Variants in RBFOX1 observed in about 807,000 individuals in gnomAD.
The protein encoded by RBFOX1 is RNA binding fox-1 homolog 1.
RBFOX1 carries 8 observed loss-of-function variants against 57.7 expected under a neutral mutation model. That is an observed-to-expected ratio of 0.14 (90% CI 0.08 to 0.25). RBFOX1 has a LOEUF of 0.25. RBFOX1 is among the 10% of genes least tolerant of loss of function. The pLI, the probability that RBFOX1 is intolerant of heterozygous loss-of-function variation, is 1.00. For synonymous variants in RBFOX1, 326 were observed against 222.4 expected, an observed-to-expected ratio of 1.47 and a Z score of -4.15; for missense variants, 611 against 548.5, an observed-to-expected ratio of 1.11 and a Z score of -1.14.
chr16:6,793,028 G>GAA lies in RBFOX1; in HGVS notation c.-16+138392_-16+138393dup, dbSNP rs71145295. Among the ~76,000 whole-genome samples, 674 of 136,414 alleles carry GAA rather than the reference G, an allele frequency of 4.9e-3. 2 individuals are homozygous for GAA. Among genetic ancestry groups the GAA allele is most frequent in the African/African-American group, 6.9e-3 (256 of 37,024 alleles). The allele number at this position is 136,414 out of a possible 152,430, so 89.5% of individuals were successfully genotyped here. A position where few individuals can be genotyped will look rare whatever the true frequency, so the allele number is the denominator to read the frequency against. The stretch of plus-strand genomic sequence containing the variant: ...TGGGCGACAGAGTGAGACTCCATCT[G>GAA]AAAAAAAAAAAAAAATAGAAGCGAT... On this transcript the variant is annotated intron_variant, in intron 3 of 15. Transcript: ENST00000550418.
chr16:7,661,341 C>T (rs558070474), intron 12 of RBFOX1, among the ~76,000 whole-genome samples: 2 of 152,248 alleles, frequency 1.3e-5, no homozygotes, highest in South Asian at 2.1e-4. Flanking sequence ...CATATTTAGA[C>T]CCTAATGCTT....
chr16:7,513,131 C>T (rs978832769), intron 4 of RBFOX1, among the ~76,000 whole-genome samples: 12 of 152,142 alleles, frequency 7.9e-5, no homozygotes, highest in African/African-American at 2.4e-4. Flanking sequence ...GTCATCATGG[C>T]GGGTGCCTGT....
intron 1 of RBFOX1, chr16:5,270,844 A>G (rs1243520489): frequency 1.7e-5 from 7 of 421,282 alleles, no homozygotes; most frequent in Non-Finnish European, 3.1e-5. Flanking sequence ...TTTGAAAGGC[A>G]TGGAGCTTCA....
chr16:7,407,375 T>G (rs375449851), intron 4 of RBFOX1, among the ~76,000 whole-genome samples: 813 of 15,866 alleles, frequency 0.051, 6 homozygotes, highest in African/African-American at 0.071. Flanking sequence ...TTTGTATGGG[T>G]GTGTGTGTGT....
intron 3 of RBFOX1, among the ~76,000 whole-genome samples, chr16:6,965,844 C>T (rs928180418): frequency 6.6e-6 from 1 of 151,768 alleles, no homozygotes; most frequent in Non-Finnish European, 1.5e-5. Context: ...CTGTCGCATC[C>T]ATGGGGATAA....
chr16:6,025,856 C>G (rs1018504883), intron 1 of RBFOX1, among the ~76,000 whole-genome samples: 3 of 152,172 alleles, frequency 2.0e-5, no homozygotes, highest in African/African-American at 7.2e-5. Flanking sequence ...TTGACTGTCT[C>G]TTTATCCACA....
At chr16:6,864,234 C>G (rs552664860) in intron 3 of RBFOX1, among the ~76,000 whole-genome samples, 15 of 152,184 alleles carry the variant, frequency 9.9e-5, no homozygotes, top group African/African-American at 3.4e-4. Flanking sequence ...TCCTAGGGTT[C>G]TTCTCAAAGC....
intron 4 of RBFOX1, among the ~76,000 whole-genome samples, chr16:7,153,194 A>T (rs1390398597): frequency 1.3e-5 from 2 of 150,918 alleles, no homozygotes; most frequent in African/African-American, 2.4e-5. Context: ...GGACATAATC[A>T]TTTTTTTTTT....
chr16:6,507,917 C>T (rs533903051), intron 2 of RBFOX1, among the ~76,000 whole-genome samples: 3 of 151,998 alleles, frequency 2.0e-5, no homozygotes, highest in South Asian at 2.1e-4. Flanking sequence ...AATACACTTA[C>T]GTTCATTGCA....
chr16:7,061,081 T>G (rs2054116865), intron 4 of RBFOX1, among the ~76,000 whole-genome samples: 1 of 151,910 alleles, frequency 6.6e-6, no homozygotes, highest in South Asian at 2.1e-4. Flanking sequence ...TGGCAGAAGT[T>G]TGCTTGCTTT....
intron 2 of RBFOX1, among the ~76,000 whole-genome samples, chr16:6,546,170 C>T (rs1057093109): frequency 6.6e-6 from 1 of 152,158 alleles, no homozygotes; most frequent in African/African-American, 2.4e-5. Flanking sequence ...ATGGGTTGGA[C>T]AAGCTTGGCC....
At chr16:5,876,989 C>A (rs556202527) in intron 4 of RBFOX1, among the ~76,000 whole-genome samples, 1 of 152,074 alleles carries the variant, frequency 6.6e-6, no homozygotes, top group Admixed American at 6.6e-5. Flanking sequence ...CAGTCTAGAA[C>A]GTGGTGAGTT....
intron 3 of RBFOX1, among the ~76,000 whole-genome samples, chr16:6,984,231 G>A (rs996324467): frequency 6.6e-6 from 1 of 152,114 alleles, no homozygotes; most frequent in African/African-American, 2.4e-5. Context: ...TACGCAACAA[G>A]AGTAAAACTC....
chr16:7,496,411 G>A (rs1324527138), intron 4 of RBFOX1, among the ~76,000 whole-genome samples: 4 of 152,152 alleles, frequency 2.6e-5, no homozygotes, highest in African/African-American at 9.7e-5. Flanking sequence ...CCAAAGTGTT[G>A]GGATTAGAGG....
intron 3 of RBFOX1, among the ~76,000 whole-genome samples, chr16:7,040,196 T>G (rs2045728326): frequency 6.6e-6 from 1 of 151,798 alleles, no homozygotes; most frequent in Admixed American, 6.6e-5. Flanking sequence ...GTTTTCTGTA[T>G]TTTTAGTAGA....
chr16:5,598,094 C>T (rs1453514306), intron 2 of RBFOX1, among the ~76,000 whole-genome samples: 2 of 151,996 alleles, frequency 1.3e-5, no homozygotes, highest in Admixed American at 6.6e-5. Flanking sequence ...GTCAGGAGTT[C>T]GAGACCAGCC....
chr16:5,881,131 C>T (rs1057273639), intron 4 of RBFOX1, among the ~76,000 whole-genome samples: 1 of 152,170 alleles, frequency 6.6e-6, no homozygotes, highest in Non-Finnish European at 1.5e-5. Flanking sequence ...CACGGACTCA[C>T]TGTGTTCTAT....
At chr16:6,656,510 T>G (rs1410027535) in intron 3 of RBFOX1, among the ~76,000 whole-genome samples, 2 of 152,040 alleles carry the variant, frequency 1.3e-5, no homozygotes, top group Admixed American at 1.3e-4. Flanking sequence ...GGTTTCTGGC[T>G]ACTCTGTGAT....
At chr16:7,210,526 C>A (rs1404318648) in intron 4 of RBFOX1, among the ~76,000 whole-genome samples, 1 of 152,162 alleles carries the variant, frequency 6.6e-6, no homozygotes, top group Non-Finnish European at 1.5e-5. Context: ...CACAGCAATA[C>A]CTAAATTAAC....
Sources: allele counts gnomAD v4.1 joint callset (sites outside exome capture counted in the v4.1 genomes callset), GRCh38; gene constraint gnomAD v4.1.1; transcripts MANE v1.5; gene names NCBI Gene and HGNC (gene_info 2026-07-23, HGNC 2026-07-21).